The following CAMTA1 variants were observed in gnomAD, a reference collection of about 807,000 sequenced individuals.
The protein encoded by CAMTA1 is calmodulin-binding transcription activator 1.
A neutral mutation model predicts 170.9 loss-of-function variants in CAMTA1; 27 were observed. That is an observed-to-expected ratio of 0.16 (90% confidence interval 0.12 to 0.22). The LOEUF (loss-of-function observed/expected upper bound fraction) is 0.22, where lower values mean the gene tolerates loss of function less well. Ranked by LOEUF, CAMTA1 falls within the 10% of genes least tolerant of loss-of-function variation. The pLI, the probability that CAMTA1 is intolerant of heterozygous loss-of-function variation, is 1.00. For missense variants in CAMTA1, 1,619 were observed against 2,217.2 expected (o/e 0.73, Z 5.42); for synonymous variants, 833 against 891.5 (o/e 0.93, Z 1.17).
Position 7,677,652 on chromosome 1 carries a change from T to G in CAMTA1, c.2833T>G (p.Ser945Ala), listed in dbSNP as rs375937543. 1.2e-6 allele frequency: 2 copies of G among 1,614,128 alleles called. No homozygotes were observed. The highest frequency in any genetic ancestry group is 8.5e-7 in the Non-Finnish European group (1 of 1,180,006). ...AGTTGCCTTCAACAACCAGATCATC[T>G]CCAACTCGGTGGTGTTTGAGTACAA... ...LQVAFNNQIISNSVVFEYKAR... is the reference protein window; with the variant it reads ...LQVAFNNQIIANSVVFEYKAR... Residue 945 changes from serine (S) to alanine (A), a missense_variant, in exon 11 of 23, where the codon TCC becomes GCC. Physicochemically the swap from Ser to Ala is moderately conservative, Grantham distance 99. Around this residue, in one of 8 missense-constraint regions of CAMTA1, gnomAD observed 143 missense variants for 184.2 expected, o/e 0.78. Coordinates refer to ENST00000303635, the MANE Select transcript of CAMTA1 (RefSeq NM_015215.4).
intron 3 of CAMTA1, among the ~76,000 whole-genome samples, chr1:6,988,329 G>T (rs983665091): frequency 1.3e-5 from 2 of 152,178 alleles, no homozygotes; most frequent in African/African-American, 4.8e-5. Flanking sequence ...GTTAGGGAGT[G>T]CGGGAGGCAG....
At chr1:7,451,027 G>A (rs1034068411) in intron 5 of CAMTA1, among the ~76,000 whole-genome samples, 1 of 152,146 alleles carries the variant, frequency 6.6e-6, no homozygotes, top group African/African-American at 2.4e-5. Flanking sequence ...CCCAGGCAGG[G>A]CACTGCATTA....
intron 3 of CAMTA1, among the ~76,000 whole-genome samples, chr1:6,958,463 A>G (rs555252566): frequency 6.6e-6 from 1 of 152,248 alleles, no homozygotes; most frequent in South Asian, 2.1e-4. Context: ...AGGTTCTCTG[A>G]TGAATTTCCA....
intron 6 of CAMTA1, among the ~76,000 whole-genome samples, chr1:7,530,417 C>T (rs1043395419): frequency 1.3e-5 from 2 of 152,164 alleles, no homozygotes; most frequent in East Asian, 1.9e-4. Context: ...GCACTCTGGT[C>T]GGTCCCTAGC....
At chr1:7,603,669 T>C (rs1483989059) in intron 6 of CAMTA1, among the ~76,000 whole-genome samples, 1 of 152,218 alleles carries the variant, frequency 6.6e-6, no homozygotes, top group Non-Finnish European at 1.5e-5. Flanking sequence ...ATTGGACCAT[T>C]TAGCCCATTT....
At chr1:7,149,102 G>A (rs552801031) in intron 4 of CAMTA1, among the ~76,000 whole-genome samples, 14 of 152,308 alleles carry the variant, frequency 9.2e-5, no homozygotes, top group South Asian at 2.1e-4. Context: ...GTGTCGGGGC[G>A]TAGGGGCTTC....
rs150738540 is a variant in CAMTA1 at position 6,942,020 on chromosome 1, C to T, written c.234+116810C>T. ...GCTGCTGTCCTGGGAAAGCTTCACC[C>T]ACGGGCTTCATGCAAGGCTGCCCCT... On this transcript the variant is annotated intron_variant, in intron 3 of 22. Coordinates refer to ENST00000303635, the MANE Select transcript of CAMTA1 (RefSeq NM_015215.4). Among the ~76,000 whole-genome samples, 9 of 152,280 alleles carry T rather than the reference C, an allele frequency of 5.9e-5. No individual in the cohort carries two copies. The East Asian group carries it at 1.7e-3, about 29-fold the overall frequency.
chr1:6,928,086 C>T (rs1683677455), intron 3 of CAMTA1, among the ~76,000 whole-genome samples: 1 of 152,172 alleles, frequency 6.6e-6, no homozygotes, highest in African/African-American at 2.4e-5. Flanking sequence ...AGCCTCAGGA[C>T]CCAGCCACCA....
At chr1:7,059,696 C>T (rs1017482456) in intron 3 of CAMTA1, among the ~76,000 whole-genome samples, 1 of 152,096 alleles carries the variant, frequency 6.6e-6, no homozygotes, top group Non-Finnish European at 1.5e-5. Context: ...AAGCCTTGTT[C>T]GAAGGATGAC....
chr1:7,230,375 C>T (rs1418696034), intron 4 of CAMTA1, among the ~76,000 whole-genome samples: 2 of 150,486 alleles, frequency 1.3e-5, no homozygotes, highest in Non-Finnish European at 2.9e-5. Flanking sequence ...TGCCCTCTCC[C>T]GGCTTTCTTG....
At chr1:7,704,515 C>T (rs1175373481) in intron 11 of CAMTA1, among the ~76,000 whole-genome samples, 1 of 147,558 alleles carries the variant, frequency 6.8e-6, no homozygotes, top group East Asian at 2.0e-4. Flanking sequence ...CAACCTCCGG[C>T]CGGGCCCCCG....
intron 5 of CAMTA1, among the ~76,000 whole-genome samples, chr1:7,410,060 G>A (rs1298371303): frequency 1.3e-5 from 2 of 152,224 alleles, no homozygotes; most frequent in Non-Finnish European, 2.9e-5. Flanking sequence ...GTTTCAAAGA[G>A]CAAAGGATGT....
At chr1:7,378,629 A>C (rs2087031065) in intron 5 of CAMTA1, among the ~76,000 whole-genome samples, 1 of 151,728 alleles carries the variant, frequency 6.6e-6, no homozygotes, top group African/African-American at 2.4e-5. Context: ...GCTTCAGGAG[A>C]ATGGGGTTTC....
At chr1:7,310,700 CT>C (rs1676524382) in intron 5 of CAMTA1, among the ~76,000 whole-genome samples, 3 of 53,458 alleles carry the variant, frequency 5.6e-5, no homozygotes, top group African/African-American at 3.8e-4. Flanking sequence ...CTCTCTCTCT[CT>C]CTTTCTTTCT....
chr1:7,154,676 C>G (rs144898378), intron 4 of CAMTA1, among the ~76,000 whole-genome samples: 4 of 152,360 alleles, frequency 2.6e-5, no homozygotes, highest in African/African-American at 9.6e-5. Flanking sequence ...AGGCATGTGA[C>G]ACCCACCCGA....
chr1:6,876,610 G>C (rs757979470), intron 3 of CAMTA1, among the ~76,000 whole-genome samples: 2 of 152,094 alleles, frequency 1.3e-5, no homozygotes, highest in African/African-American at 4.8e-5. Flanking sequence ...TGATCCACCC[G>C]CCTCGGCCTC....
rs1033276281 is a variant in CAMTA1 at position 7,014,827 on chromosome 1, G to C, written c.235-76477G>C. Among the ~76,000 whole-genome samples the C allele has an allele frequency of 5.3e-5, 8 of 152,122 alleles. No individual in the cohort carries two copies. Among genetic ancestry groups the C allele is most frequent in the African/African-American group, 1.4e-4 (6 of 41,430 alleles). On this transcript the variant is annotated intron_variant, in intron 3 of 22. Transcript: ENST00000303635. This position sits in a 1 kb window ranked among gnomAD's most constrained non-coding sequence, Gnocchi z 4.2. ...CCCTGCAGCATGTCGGGGGCCGGGT[G>C]GGGGAGCGGGTGGTGGCATCAGTGG...
intron 11 of CAMTA1, among the ~76,000 whole-genome samples, chr1:7,709,976 A>G (rs1420221767): frequency 6.6e-6 from 1 of 152,242 alleles, no homozygotes; most frequent in Non-Finnish European, 1.5e-5. Context: ...GAAAGCCACT[A>G]GACTGGATAT....
At chr1:6,972,219 T>C (rs1350131879) in intron 3 of CAMTA1, among the ~76,000 whole-genome samples, 1 of 152,168 alleles carries the variant, frequency 6.6e-6, no homozygotes, top group East Asian at 1.9e-4. Flanking sequence ...CTTGGCTTTA[T>C]GACATCTAAG....
Sources: allele counts gnomAD v4.1 joint callset (sites outside exome capture counted in the v4.1 genomes callset), GRCh38; gene constraint gnomAD v4.1.1; regional missense constraint gnomAD v4.1.1; non-coding constraint Gnocchi (gnomAD v3.1); transcripts MANE v1.5; gene names NCBI Gene and HGNC (gene_info 2026-07-23, HGNC 2026-07-21).